The following RANBP2 variants were observed in gnomAD, a reference collection of about 807,000 sequenced individuals.
The protein encoded by RANBP2 is E3 SUMO-protein ligase RanBP2.
In RANBP2, 57 loss-of-function variants were observed where a neutral mutation model predicts 303.6. That is an observed-to-expected ratio of 0.19 (90% CI 0.15 to 0.23). RANBP2 has a LOEUF of 0.23. Ranked by LOEUF, RANBP2 falls within the 10% of genes least tolerant of loss-of-function variation. RANBP2 has a pLI of 1.00. For missense variants in RANBP2, 3,138 were observed against 3,780.8 expected, an observed-to-expected ratio of 0.83 and a Z score of 4.46; for synonymous variants, 1,167 against 1,301.5, an observed-to-expected ratio of 0.90 and a Z score of 2.23.
the RANBP2 span, among the ~76,000 whole-genome samples, chr2:108,915,135 C>A: frequency 7.2e-5 from 11 of 152,318 alleles, no homozygotes; most frequent in East Asian, 1.9e-4. Context: ...AACTCCTGAC[C>A]TCAAGTGATC....
At chr2:108,808,594 A>G in the RANBP2 span, among the ~76,000 whole-genome samples, 1 of 152,210 alleles carries the variant, frequency 6.6e-6, no homozygotes, top group Non-Finnish European at 1.5e-5. Flanking sequence ...TTCGATTTGC[A>G]TTAACCTGAT....
chr2:108,991,133 T>G, the RANBP2 span, among the ~76,000 whole-genome samples: 1 of 148,698 alleles, frequency 6.7e-6, no homozygotes, highest in East Asian at 2.0e-4. Context: ...GCCAAGGGAG[T>G]TTTTTCCTCT....
the RANBP2 span, among the ~76,000 whole-genome samples, chr2:109,676,129 G>C: frequency 6.6e-6 from 1 of 152,192 alleles, no homozygotes; most frequent in African/African-American, 2.4e-5. Flanking sequence ...CAACCAGCTG[G>C]TAGGACAAGA....
the RANBP2 span, among the ~76,000 whole-genome samples, chr2:109,082,900 A>G: frequency 1.4e-5 from 2 of 144,672 alleles, no homozygotes; most frequent in East Asian, 4.1e-4. Flanking sequence ...ATCTCAGCTC[A>G]CTGCAAGCTC....
chr2:108,864,008 G>A, the RANBP2 span, among the ~76,000 whole-genome samples: 2 of 152,114 alleles, frequency 1.3e-5, no homozygotes, highest in South Asian at 4.1e-4. Context: ...CAGAATCTCT[G>A]TTTCTAAGAT....
the RANBP2 span, among the ~76,000 whole-genome samples, chr2:109,272,190 G>A: frequency 1.3e-5 from 2 of 152,210 alleles, no homozygotes; most frequent in Non-Finnish European, 2.9e-5. Flanking sequence ...ACCCCCCACA[G>A]CCCTCTGCAA....
the RANBP2 span, among the ~76,000 whole-genome samples, chr2:109,542,042 G>A: frequency 6.6e-6 from 1 of 152,342 alleles, no homozygotes; most frequent in African/African-American, 2.4e-5. Flanking sequence ...GAGGGAGTAC[G>A]TACCAGGATT....
At chr2:109,283,309 T>C in the RANBP2 span, among the ~76,000 whole-genome samples, 1 of 152,176 alleles carries the variant, frequency 6.6e-6, no homozygotes, top group Non-Finnish European at 1.5e-5. Context: ...CTTGTGGGCC[T>C]GCTGGACACC....
chr2:109,690,548 T>G, the RANBP2 span, among the ~76,000 whole-genome samples: 1 of 152,218 alleles, frequency 6.6e-6, no homozygotes, highest in South Asian at 2.1e-4. Context: ...TATTTTCCTT[T>G]CACAGTAGCC....
At chr2:109,303,261 C>T in the RANBP2 span, among the ~76,000 whole-genome samples, 1 of 152,306 alleles carries the variant, frequency 6.6e-6, no homozygotes, top group Non-Finnish European at 1.5e-5. Context: ...GGACCACCTC[C>T]CTCACATATG....
At chr2:109,490,906 G>A in the RANBP2 span, 10,036 of 1,514,930 alleles carry the variant, frequency 6.6e-3, 59 homozygotes, top group Non-Finnish European at 7.4e-3. Context: ...GCTGCCATCC[G>A]CCCCGAGCCC....
At chr2:109,198,628 C>T in the RANBP2 span, among the ~76,000 whole-genome samples, 2 of 152,176 alleles carry the variant, frequency 1.3e-5, no homozygotes, top group Non-Finnish European at 2.9e-5. Context: ...GGCTGTCTCC[C>T]TGGTTTGTAG....
chr2:109,716,204 A>C, the RANBP2 span, among the ~76,000 whole-genome samples: 2 of 151,956 alleles, frequency 1.3e-5, no homozygotes, highest in Non-Finnish European at 2.9e-5. Context: ...GTAAATTAGC[A>C]CTTTATTTTT....
downstream of RANBP2, chr2:108,788,750 G>A: frequency 6.8e-7 from 1 of 1,462,522 alleles, no homozygotes; most frequent in Non-Finnish European, 9.1e-7. Flanking sequence ...AAATTTGAGA[G>A]AGAAGATTTT....
the RANBP2 span, among the ~76,000 whole-genome samples, chr2:109,085,117 G>A: frequency 6.6e-6 from 1 of 152,124 alleles, no homozygotes; most frequent in Admixed American, 6.5e-5. Flanking sequence ...GAGACTCCAG[G>A]AAGCCGAGGA....
At chr2:108,871,492 C>T in the RANBP2 span, among the ~76,000 whole-genome samples, 1 of 151,736 alleles carries the variant, frequency 6.6e-6, no homozygotes, top group Non-Finnish European at 1.5e-5. Flanking sequence ...GAGGAGGCTT[C>T]AGTGAGCCGA....
At chr2:108,917,832 G>A in the RANBP2 span, among the ~76,000 whole-genome samples, 1 of 152,158 alleles carries the variant, frequency 6.6e-6, no homozygotes, top group African/African-American at 2.4e-5. Context: ...AGCAATGGGT[G>A]TGGTTTGAGG....
chr2:108,782,294 A>G lies in RANBP2; in HGVS notation c.8927A>G (p.Asp2976Gly). ...TATTACCGGATCCTAATGAGAAGAGACCAGGTTTTTAAAGTGTGTGCAAAC... is the reference window on the plus strand; with the variant it reads ...TATTACCGGATCCTAATGAGAAGAGGCCAGGTTTTTAAAGTGTGTGCAAAC... ...KNYYRILMRR[D>G]QVFKVCANHV... The change falls in exon 27 of 29, where the codon GAC (aspartate) becomes GGC (glycine). Residue 2976 changes from aspartate to glycine, a missense_variant. Coordinates refer to ENST00000283195, the MANE Select transcript of RANBP2 (RefSeq NM_006267.5). 7 of 1,614,144 alleles carry G rather than the reference A, an allele frequency of 4.3e-6. No homozygotes were observed. The highest frequency in any genetic ancestry group is 5.9e-6 in the Non-Finnish European group (7 of 1,180,016).
At chr2:109,318,264 C>G in the RANBP2 span, among the ~76,000 whole-genome samples, 1 of 152,050 alleles carries the variant, frequency 6.6e-6, no homozygotes, top group Non-Finnish European at 1.5e-5. Context: ...AGCGCAGCCC[C>G]AGATGTTCGG....
Sources: allele counts gnomAD v4.1 joint callset (sites outside exome capture counted in the v4.1 genomes callset), GRCh38; gene constraint gnomAD v4.1.1; transcripts MANE v1.5; gene names NCBI Gene and HGNC (gene_info 2026-07-23, HGNC 2026-07-21).